Variants in SYNRG observed in about 807,000 individuals in gnomAD.
The protein encoded by SYNRG is AP1 gamma subunit binding protein 1.
SYNRG carries 37 observed loss-of-function variants against 130.9 expected under a neutral mutation model. The ratio of observed to expected loss-of-function variants is 0.28; its 90% CI spans 0.22 to 0.37. SYNRG has a LOEUF of 0.37. Among genes scored for constraint, SYNRG ranks in the 10% least tolerant of loss-of-function variants. The probability of loss-of-function intolerance (pLI) is 1.00; values close to 1 mark genes in which losing one functional copy is unlikely to be tolerated. For missense variants in SYNRG, 1,338 were observed against 1,588.9 expected, an observed-to-expected ratio of 0.84 and a Z score of 2.68; for synonymous variants, 539 against 568.1, an observed-to-expected ratio of 0.95 and a Z score of 0.73.
chr17:37,609,236 C>G, intron 1 of SYNRG, 43 bp downstream of exon 1: 1 of 1,393,900 alleles, frequency 7.2e-7, no homozygotes, highest in Non-Finnish European at 9.2e-7. Flanking sequence ...CCTCGCCGCC[C>G]CCGCGGAGGC....
At chr17:37,559,760 A>G (rs1449565438) in intron 13 of SYNRG, among the ~76,000 whole-genome samples, 1 of 152,146 alleles carries the variant, frequency 6.6e-6, no homozygotes, top group African/African-American at 2.4e-5. Flanking sequence ...CAAGCAGTGT[A>G]GTTTGAGTAT....
chr17:37,530,779 T>C (rs1490390493), intron 19 of SYNRG, among the ~76,000 whole-genome samples: 1 of 152,236 alleles, frequency 6.6e-6, no homozygotes, highest in African/African-American at 2.4e-5. Context: ...GTTCGCAATA[T>C]TCTGATTCAG....
intron 11 of SYNRG, chr17:37,567,071 G>A (rs538544779): frequency 6.6e-6 from 1 of 152,240 alleles, no homozygotes; most frequent in Admixed American, 6.5e-5. Context: ...TTCTGAAATG[G>A]AACTATAACT....
At chr17:37,551,096 C>T (rs137913081) in intron 14 of SYNRG, among the ~76,000 whole-genome samples, 337 of 152,324 alleles carry the variant, frequency 2.2e-3, no homozygotes, top group Middle Eastern at 0.01. Context: ...TTAAGGTCCG[C>T]AGATAGCAAT....
chr17:37,577,183 G>T (rs1004578380), intron 7 of SYNRG, among the ~76,000 whole-genome samples, 197 bp downstream of exon 7: 4 of 152,144 alleles, frequency 2.6e-5, no homozygotes, highest in African/African-American at 9.7e-5. Context: ...TTTTTAAAAA[G>T]GAGTAACAGT....
At chr17:37,557,769 C>A (rs1010704951) in intron 13 of SYNRG, among the ~76,000 whole-genome samples, 1 of 152,010 alleles carries the variant, frequency 6.6e-6, no homozygotes, top group Non-Finnish European at 1.5e-5. Flanking sequence ...CTGCTTGAGT[C>A]CAGGAGTTGG....
At chr17:37,566,639 T>A (rs1366063652) in intron 11 of SYNRG, among the ~76,000 whole-genome samples, 1 of 151,036 alleles carries the variant, frequency 6.6e-6, no homozygotes, top group Non-Finnish European at 1.5e-5. Context: ...AATAAAAAAA[T>A]AAATTAAAAA....
chr17:37,517,717 A>G lies in SYNRG; in HGVS notation c.*1223T>C, dbSNP rs1444680254. On this transcript the variant is annotated 3_prime_UTR_variant, in exon 22 of 22. Coordinates refer to ENST00000612223, the MANE Select transcript of SYNRG (RefSeq NM_007247.6). Reference sequence around the variant, plus strand: ...TCAGAGGGTCTAAACCACACAAAGTAAAGCACACGAGATTGAAAAATCTCT... The same window carrying G: ...TCAGAGGGTCTAAACCACACAAAGTGAAGCACACGAGATTGAAAAATCTCT... 6.6e-6 allele frequency: 1 copy of G among 152,184 alleles called. No individual in the cohort carries two copies. Among genetic ancestry groups the G allele is most frequent in the African/African-American group, 2.4e-5 (1 of 41,448 alleles). The allele number at this position is 152,184 out of a possible 1,614,324, so 9.4% of individuals were successfully genotyped here. A position where few individuals can be genotyped will look rare whatever the true frequency, so the allele number is the denominator to read the frequency against.
intron 14 of SYNRG, 135 bp from the exon 15 acceptor site, chr17:37,542,700 A>G (rs1032099871): frequency 1.5e-6 from 1 of 687,426 alleles, no homozygotes; most frequent in Admixed American, 3.1e-5. Flanking sequence ...TAGAGTTTGT[A>G]CTAAAATTAA....
chr17:37,601,456 A>G lies in SYNRG; in HGVS notation c.78-1053T>C, dbSNP rs558427598. Among the ~76,000 whole-genome samples, 5 of 152,334 alleles carry G rather than the reference A, an allele frequency of 3.3e-5. No individual in the cohort carries two copies. In the South Asian group the frequency reaches 8.3e-4, roughly 25 times the overall value. ...GTTATTGTGGTAACATATACATAAC[A>G]TAAAATTCTATCATTTTTAACCATT... On this transcript the variant is annotated intron_variant, in intron 1 of 21. Transcript: ENST00000612223.
At position 37,561,496 on chromosome 17, in the gene SYNRG, G is replaced by A. The variant is rs2059530183; in HGVS notation, c.1575C>T (p.Ser525=). Residue 525 remains serine, a synonymous_variant, in exon 12 of 22, where the codon TCC becomes TCT. Coordinates refer to ENST00000612223, the MANE Select transcript of SYNRG (RefSeq NM_007247.6). ...CTCCAGGTGGAACAGTATTTTCAGA[G>A]GACTTGTCAGCTGCAATTCCTTTAA... is the stretch of plus-strand genomic sequence containing the variant. ...AVFKGIAADK[S]SENTVPPGDP... 2 of 1,613,684 alleles carry A rather than the reference G, an allele frequency of 1.2e-6. No individual in the cohort carries two copies.
chr17:37,608,939 A>G (rs9900406), intron 1 of SYNRG, among the ~76,000 whole-genome samples: 5 of 152,170 alleles, frequency 3.3e-5, no homozygotes, highest in African/African-American at 1.2e-4. Context: ...TGGTCGCTTC[A>G]GAGGCAGCTA....
In SYNRG at chr17:37,540,480, G is replaced by A. The variant is rs1202206187; in HGVS notation, c.3266C>T (p.Ala1089Val). ...ACGGTCTCTGAAAGGCTGCTCCAAA[G>A]CTGGAGAAGGAGAAGAACGGCTTAT... ...KEISRSSPSP[A>V]LEQPFRDRSN... The change falls in exon 16 of 22, where the codon GCT becomes GTT. Residue 1089 changes from alanine (A) to valine (V), a missense_variant. Physicochemically the swap from Ala to Val is moderately conservative, Grantham distance 64. This residue lies in a region of SYNRG where 1,146 missense variants were observed against 1,342.3 expected (regional missense o/e 0.85). Coordinates refer to ENST00000612223, the MANE Select transcript of SYNRG (RefSeq NM_007247.6). 3 of 1,614,070 alleles carry A rather than the reference G, an allele frequency of 1.9e-6. No homozygotes were observed. The highest frequency in any genetic ancestry group is 2.7e-5 in the African/African-American group (2 of 75,004).
chr17:37,599,471 A>T (rs2063076761), intron 2 of SYNRG, among the ~76,000 whole-genome samples: 1 of 152,232 alleles, frequency 6.6e-6, no homozygotes. Flanking sequence ...CTGTAATCCC[A>T]GTGCTTTGGG....
intron 11 of SYNRG, among the ~76,000 whole-genome samples, chr17:37,563,334 C>A (rs563664496): frequency 1.3e-5 from 2 of 152,056 alleles, no homozygotes; most frequent in South Asian, 2.1e-4. Context: ...TTAAAAAATT[C>A]GGCCACAAAA....
At chr17:37,600,463 G>A (rs776226618) in intron 1 of SYNRG, 60 bp from the exon 2 acceptor site, 35 of 1,543,674 alleles carry the variant, frequency 2.3e-5, no homozygotes, top group East Asian at 6.8e-5. Context: ...CAAATAACAC[G>A]TGTACTTTTT....
chr17:37,600,304 C>A, intron 2 of SYNRG, 59 bp downstream of exon 2: 1 of 1,442,520 alleles, frequency 6.9e-7, no homozygotes, highest in South Asian at 1.4e-5. Flanking sequence ...TTATTTAATT[C>A]CCAGATTCAG....
rs1210838920 is a variant in SYNRG, at chr17:37,518,973, C to G, written c.3912G>C (p.Lys1304Asn). The G allele has an allele frequency of 6.2e-7, 1 of 1,614,142 alleles. No homozygotes were observed. Among genetic ancestry groups the G allele is most frequent in the Non-Finnish European group, 8.5e-7 (1 of 1,180,018 alleles). ...ANFWINCVEP[K>N]PPGLVLPDLL is the part of the protein sequence containing the mutation. ...GGTCAGGCAGGACGAGGCCAGGAGG[C>G]TTTGGTTCGACACAGTTGATCCAGA... Residue 1304 changes from lysine (K) to asparagine (N), a missense_variant, in exon 22 of 22, where the codon AAG becomes AAC. Coordinates refer to ENST00000612223, the MANE Select transcript of SYNRG (RefSeq NM_007247.6).
chr17:37,553,486 T>A lies in SYNRG; in HGVS notation c.2237A>T (p.Asp746Val). The A allele has an allele frequency of 6.2e-7, 1 of 1,614,126 alleles. No homozygotes were observed. The highest frequency in any genetic ancestry group is 8.5e-7 in the Non-Finnish European group (1 of 1,180,000). ...QNSTAASTKY[D>V]VFRQLSLEGS... ...TTCCAGAGAAAGTTGTCTGAAGACA[T>A]CGTACTTGGTAGACGCAGCAGTCGA... Residue 746 changes from aspartate to valine, a missense_variant, in exon 14 of 22, where the codon GAT becomes GTT. Asp to Val is a radical substitution (Grantham distance 152). Around this residue, in one of 3 missense-constraint regions of SYNRG, gnomAD observed 1,146 missense variants for 1,342.3 expected, o/e 0.85. Coordinates refer to ENST00000612223, the MANE Select transcript of SYNRG (RefSeq NM_007247.6).
Sources: gnomAD v4.1 joint callset for allele counts (sites outside exome capture counted in the v4.1 genomes callset) on GRCh38, gnomAD v4.1.1 for gene constraint, gnomAD v4.1.1 regional missense constraint, MANE v1.5 for transcripts, NCBI Gene and HGNC (gene_info 2026-07-23, HGNC 2026-07-21) for gene names.